The following BTBD9 variants were observed in gnomAD, a reference collection of about 807,000 sequenced individuals.
The protein encoded by BTBD9 is BTB domain containing 9.
In BTBD9, 49 loss-of-function variants were observed where a neutral mutation model predicts 64.3. The ratio of observed to expected loss-of-function variants is 0.76; its 90% CI spans 0.61 to 0.97. BTBD9 has a LOEUF of 0.97. Ranked by LOEUF, BTBD9 falls within the 50% of genes least tolerant of loss-of-function variation. The pLI, the probability that BTBD9 is intolerant of heterozygous loss-of-function variation, is 0.00. For synonymous variants in BTBD9, 260 were observed against 274.7 expected (o/e 0.95, Z 0.53); for missense variants, 598 against 762.1 (o/e 0.78, Z 2.53).
In BTBD9 at chr6:38,274,487, G is replaced by T. The variant is rs370670934; in HGVS notation, c.1454+13785C>A. Among the ~76,000 whole-genome samples, 228 of 152,198 alleles carry T rather than the reference G, an allele frequency of 1.5e-3. 4 individuals are homozygous for T. In the East Asian group the frequency reaches 0.032, roughly 22 times the overall value. On this transcript the variant is annotated intron_variant, in intron 8 of 10. Coordinates refer to ENST00000481247, the MANE Select transcript of BTBD9 (RefSeq NM_001099272.2). Reference sequence around the variant, plus strand: ...TTCAAAGGGAATGCTTCCAGTTTTTGCCCATTCAGTATGATATTGGCTGTG... The same window carrying T: ...TTCAAAGGGAATGCTTCCAGTTTTTTCCCATTCAGTATGATATTGGCTGTG...
chr6:38,538,692 C>T (rs895447583), intron 6 of BTBD9, among the ~76,000 whole-genome samples: 1 of 152,124 alleles, frequency 6.6e-6, no homozygotes, highest in African/African-American at 2.4e-5. Flanking sequence ...ACTGTAACCT[C>T]AAACACTTGG....
At chr6:38,448,700 T>G (rs1769384113) in intron 6 of BTBD9, among the ~76,000 whole-genome samples, 1 of 152,200 alleles carries the variant, frequency 6.6e-6, no homozygotes, top group Non-Finnish European at 1.5e-5. Flanking sequence ...GTACTTTTAG[T>G]AGAGACGGGG....
chr6:38,423,172 C>T (rs908588268), intron 6 of BTBD9, among the ~76,000 whole-genome samples: 4 of 151,924 alleles, frequency 2.6e-5, no homozygotes, highest in African/African-American at 9.7e-5. Flanking sequence ...GGCTGAGACA[C>T]GAGAATCGCT....
intron 6 of BTBD9, among the ~76,000 whole-genome samples, chr6:38,431,439 G>A (rs961973311): frequency 7.9e-5 from 12 of 152,150 alleles, no homozygotes; most frequent in Non-Finnish European, 1.5e-5. Context: ...TTTCACAGAT[G>A]AGGAAATTGA....
intron 1 of BTBD9, among the ~76,000 whole-genome samples, chr6:38,620,208 G>A (rs1290953877): frequency 1.3e-5 from 2 of 152,214 alleles, no homozygotes; most frequent in African/African-American, 2.4e-5. Flanking sequence ...GGTCAGTGGA[G>A]ACTAGTGCAA....
intron 7 of BTBD9, among the ~76,000 whole-genome samples, chr6:38,327,001 TTTCATCACAGCTTCATGGAA>T (rs1319199152): frequency 2.0e-5 from 3 of 152,242 alleles, no homozygotes; most frequent in Admixed American, 6.5e-5. Flanking sequence ...CTTTAGTTGA[TTTCATCACAGCTTCATGGAA>T]AACAACTTCA....
At chr6:38,464,375 C>T (rs1338180592) in intron 6 of BTBD9, among the ~76,000 whole-genome samples, 10 of 143,310 alleles carry the variant, frequency 7.0e-5, no homozygotes, top group African/African-American at 2.4e-4. Context: ...ACCAGCCTTG[C>T]ATTCATGAAA....
chr6:38,335,562 T>C (rs1470482638), intron 7 of BTBD9, among the ~76,000 whole-genome samples: 4 of 151,690 alleles, frequency 2.6e-5, no homozygotes, highest in Non-Finnish European at 5.9e-5. Context: ...CTCCAGGTAG[T>C]TCTTTTTTTT....
chr6:38,620,216 C>A (rs1269408809), intron 1 of BTBD9, among the ~76,000 whole-genome samples: 2 of 152,328 alleles, frequency 1.3e-5, no homozygotes, highest in South Asian at 2.1e-4. Context: ...GAGACTAGTG[C>A]AAGATCTTAG....
chr6:38,289,803 C>T (rs1485489020), intron 7 of BTBD9, among the ~76,000 whole-genome samples: 2 of 152,148 alleles, frequency 1.3e-5, no homozygotes, highest in Non-Finnish European at 2.9e-5. Flanking sequence ...AAGTCAAGAA[C>T]TTCCACAAAA....
intron 7 of BTBD9, among the ~76,000 whole-genome samples, chr6:38,327,625 T>C (rs1455530577): frequency 6.6e-6 from 1 of 152,156 alleles, no homozygotes; most frequent in Non-Finnish European, 1.5e-5. Context: ...ACAATGTGAG[T>C]CCTGATATAT....
intron 6 of BTBD9, among the ~76,000 whole-genome samples, chr6:38,557,063 G>C (rs1427579628): frequency 2.1e-4 from 26 of 123,084 alleles, no homozygotes; most frequent in African/African-American, 8.1e-4. Context: ...AAAAGGGCCA[G>C]GCACGGTGGC....
At chr6:38,180,134 G>C (rs10947715) in intron 10 of BTBD9, among the ~76,000 whole-genome samples, 11,551 of 152,232 alleles carry the variant, frequency 0.076, 541 homozygotes, top group Non-Finnish European at 0.11. Flanking sequence ...CAACATGTAC[G>C]AGGCTGGGGT....
intron 9 of BTBD9, among the ~76,000 whole-genome samples, chr6:38,254,666 C>T (rs901457648): frequency 6.6e-6 from 1 of 152,024 alleles, no homozygotes; most frequent in African/African-American, 2.4e-5. Context: ...AAAAGATGCT[C>T]AACATCATTA....
chr6:38,321,921 C>T (rs1763250455), intron 7 of BTBD9, among the ~76,000 whole-genome samples: 1 of 151,764 alleles, frequency 6.6e-6, no homozygotes, highest in African/African-American at 2.4e-5. Context: ...TCAATTCTTT[C>T]ATCCCAGTCT....
intron 6 of BTBD9, among the ~76,000 whole-genome samples, chr6:38,394,282 G>A (rs901290463): frequency 6.6e-6 from 1 of 152,172 alleles, no homozygotes; most frequent in Non-Finnish European, 1.5e-5. Context: ...AGAATAAGTA[G>A]GCAATTGGTG....
At chr6:38,332,370 T>C (rs1763709643) in intron 7 of BTBD9, among the ~76,000 whole-genome samples, 1 of 152,242 alleles carries the variant, frequency 6.6e-6, no homozygotes, top group South Asian at 2.1e-4. Flanking sequence ...ATGTAACTGT[T>C]TGCAATTGTT....
chr6:38,338,948 G>C (rs910592857), intron 7 of BTBD9, among the ~76,000 whole-genome samples: 3 of 152,188 alleles, frequency 2.0e-5, no homozygotes, highest in African/African-American at 4.8e-5. Flanking sequence ...CTAAAGTCCA[G>C]AAGTTTGACA....
At chr6:38,280,596 A>G (rs1025683950) in intron 8 of BTBD9, among the ~76,000 whole-genome samples, 2 of 152,248 alleles carry the variant, frequency 1.3e-5, no homozygotes, top group East Asian at 3.8e-4. Flanking sequence ...TAGGTTGCAA[A>G]GAAGGCTGTC....
Sources: gnomAD v4.1 joint callset for allele counts (sites outside exome capture counted in the v4.1 genomes callset) on GRCh38, gnomAD v4.1.1 for gene constraint, MANE v1.5 for transcripts, NCBI Gene and HGNC (gene_info 2026-07-23, HGNC 2026-07-21) for gene names.